The following MAPRE2 variants were observed in gnomAD, a reference collection of about 807,000 sequenced individuals.
MAPRE2 encodes microtubule associated protein RP/EB family member 2, also known as microtubule-associated protein RP/EB family member 2.
In MAPRE2, 13 loss-of-function variants were observed where a neutral mutation model predicts 43.2. The observed-to-expected ratio is 0.30, with a 90% confidence interval of 0.20 to 0.48. MAPRE2 has a LOEUF of 0.48. Ranked by LOEUF, MAPRE2 falls within the 20% of genes least tolerant of loss-of-function variation. The pLI is 0.99. For synonymous variants in MAPRE2, 135 were observed against 148.8 expected, an observed-to-expected ratio of 0.91 and a Z score of 0.68; for missense variants, 161 against 400.2, an observed-to-expected ratio of 0.40 and a Z score of 5.10.
chr18:35,102,218 T>C (rs1466847324), intron 4 of MAPRE2, 59 bp downstream of exon 4: 1 of 1,280,344 alleles, frequency 7.8e-7, no homozygotes, highest in Non-Finnish European at 1.1e-6. Flanking sequence ...CTCAGACCCT[T>C]CTGTTATTTA....
chr18:35,063,895 G>T (rs1308183658), intron 1 of MAPRE2, among the ~76,000 whole-genome samples: 1 of 150,482 alleles, frequency 6.6e-6, no homozygotes, highest in African/African-American at 2.4e-5. Flanking sequence ...CTTCTTGAGA[G>T]GCTGAGCTAA....
intron 2 of MAPRE2, among the ~76,000 whole-genome samples, chr18:35,031,991 G>GA (rs1197836884): frequency 6.6e-6 from 1 of 152,174 alleles, no homozygotes; most frequent in East Asian, 1.9e-4. Flanking sequence ...GAAAGGTAGT[G>GA]AGGAAGAACC....
At chr18:35,041,895 C>T (rs764521618) in intron 1 of MAPRE2, 6 of 916,226 alleles carry the variant, frequency 6.5e-6, no homozygotes, top group Non-Finnish European at 6.3e-6. Context: ...TTCGAGGGGT[C>T]TCCCTCCATC....
chr18:35,140,147 G>A lies in MAPRE2; in HGVS notation c.910-148G>A, dbSNP rs1910564562. ...ATATGTATCAGACACCGGAAGCTGG[G>A]AGACGTTTGCATGGCGAGTTGTGCC... is the stretch of plus-strand genomic sequence containing the variant. On this transcript the variant is annotated intron_variant, in intron 6 of 6. Coordinates refer to ENST00000300249, the MANE Select transcript of MAPRE2 (RefSeq NM_014268.4). 7.7e-6 allele frequency: 5 copies of A among 646,334 alleles called. No homozygotes were observed. In the South Asian group the frequency reaches 9.3e-5, roughly 12 times the overall value. 40.0% of individuals were successfully genotyped at this position (646,334 alleles called of 1,614,324 possible).
At chr18:35,065,308 A>C (rs555986257) in intron 1 of MAPRE2, among the ~76,000 whole-genome samples, 1 of 152,190 alleles carries the variant, frequency 6.6e-6, no homozygotes, top group East Asian at 1.9e-4. Context: ...AAAAAAAAAA[A>C]AACAAAAAGT....
chr18:35,032,698 T>C (rs1056889032), intron 2 of MAPRE2, among the ~76,000 whole-genome samples: 3 of 152,142 alleles, frequency 2.0e-5, no homozygotes, highest in African/African-American at 7.2e-5. Context: ...TGTTTTTTTG[T>C]TTATTTTTGG....
chr18:35,043,638 C>G (rs982584964), intron 1 of MAPRE2, among the ~76,000 whole-genome samples: 1 of 152,150 alleles, frequency 6.6e-6, no homozygotes, highest in Non-Finnish European at 1.5e-5. Context: ...TAATAAAGAT[C>G]TTACTGAACA....
At chr18:35,012,704 G>GTGT (rs2150583645) in intron 2 of MAPRE2, among the ~76,000 whole-genome samples, 1 of 152,308 alleles carries the variant, frequency 6.6e-6, no homozygotes, top group African/African-American at 2.4e-5. Context: ...CAAATTCATG[G>GTGT]AGACAGAAAG....
rs73424662 is a variant in MAPRE2, at chr18:35,035,913, C to T, written c.-8+30360C>T. On this transcript the variant is annotated intron_variant, in intron 2 of 7. Transcript: ENST00000413393. ...TGACCACCTGTTACGTAACTTCCTCCAAATAATATGTGTCTCCAAGTCAAA... is the reference window on the plus strand; with the variant it reads ...TGACCACCTGTTACGTAACTTCCTCTAAATAATATGTGTCTCCAAGTCAAA... 1.1e-3 allele frequency among the ~76,000 whole-genome samples: 157 copies of T among 138,822 alleles called. 1 individual carries two copies. The highest frequency in any genetic ancestry group is 4.0e-3 in the African/African-American group (151 of 37,448). The allele number at this position is 138,822 out of a possible 152,430, so 91.1% of individuals were successfully genotyped here. A position where few individuals can be genotyped will look rare whatever the true frequency, so the allele number is the denominator to read the frequency against.
chr18:35,123,347 G>A (rs565001553), intron 4 of MAPRE2, among the ~76,000 whole-genome samples: 1 of 152,182 alleles, frequency 6.6e-6, no homozygotes, highest in African/African-American at 2.4e-5. Context: ...CAGAACATGA[G>A]TGTGTCTGAT....
At chr18:35,008,586 A>G (rs982073966) in intron 2 of MAPRE2, among the ~76,000 whole-genome samples, 1 of 152,200 alleles carries the variant, frequency 6.6e-6, no homozygotes, top group Admixed American at 6.5e-5. Context: ...TTGCAGTATA[A>G]TGTTATATCA....
intron 1 of MAPRE2, among the ~76,000 whole-genome samples, chr18:34,994,791 A>G (rs1271730731): frequency 6.6e-6 from 1 of 152,318 alleles, no homozygotes; most frequent in East Asian, 1.9e-4. Flanking sequence ...AAGGAGCTGT[A>G]CTTTACAGAA....
At chr18:35,023,664 A>G (rs1326279087) in intron 2 of MAPRE2, among the ~76,000 whole-genome samples, 2 of 151,964 alleles carry the variant, frequency 1.3e-5, no homozygotes, top group African/African-American at 4.8e-5. Context: ...TGAAAGATTG[A>G]GAGAGGCAAT....
At chr18:35,104,304 G>A (rs541645985) in intron 4 of MAPRE2, among the ~76,000 whole-genome samples, 7 of 152,246 alleles carry the variant, frequency 4.6e-5, no homozygotes, top group African/African-American at 1.4e-4. Context: ...TTGTGGAAGT[G>A]GAGGCAGTAA....
chr18:34,985,396 T>TA (rs2097019767), intron 1 of MAPRE2, among the ~76,000 whole-genome samples: 2 of 42,822 alleles, frequency 4.7e-5, no homozygotes, highest in South Asian at 1.5e-3. Flanking sequence ...ATATATATAA[T>TA]ATATAATATA....
chr18:35,066,239 C>CA (rs1020322431), intron 1 of MAPRE2, among the ~76,000 whole-genome samples: 2 of 152,188 alleles, frequency 1.3e-5, no homozygotes, highest in African/African-American at 4.8e-5. Flanking sequence ...TCCCTAAGGA[C>CA]TAGCAGTCGT....
At chr18:35,025,507 G>T (rs1012355140) in intron 2 of MAPRE2, among the ~76,000 whole-genome samples, 1 of 152,092 alleles carries the variant, frequency 6.6e-6, no homozygotes, top group Admixed American at 6.5e-5. Context: ...TGATGTACTC[G>T]ATTGTAATTA....
At chr18:35,110,675 T>TTTCTGTAA (rs1454078660) in intron 4 of MAPRE2, among the ~76,000 whole-genome samples, 2 of 152,174 alleles carry the variant, frequency 1.3e-5, no homozygotes, top group Non-Finnish European at 2.9e-5. Context: ...TAAATGTCTT[T>TTTCTGTAA]ATTTTACCTT....
intron 4 of MAPRE2, among the ~76,000 whole-genome samples, chr18:35,124,009 C>T (rs1327239890): frequency 6.6e-6 from 1 of 152,102 alleles, no homozygotes; most frequent in African/African-American, 2.4e-5. Context: ...GGGTGGTAGA[C>T]CTACTTGCTC....
Sources: allele counts gnomAD v4.1 joint callset (sites outside exome capture counted in the v4.1 genomes callset), GRCh38; gene constraint gnomAD v4.1.1; transcripts MANE v1.5; gene names NCBI Gene and HGNC (gene_info 2026-07-23, HGNC 2026-07-21).